Variants in ABLIM1 observed in about 807,000 individuals in gnomAD.
ABLIM1 encodes actin binding LIM protein 1.
A neutral mutation model predicts 107.0 loss-of-function variants in ABLIM1; 40 were observed. The observed-to-expected ratio is 0.37, with a 90% CI of 0.29 to 0.49. The LOEUF (loss-of-function observed/expected upper bound fraction) is 0.49. Ranked by LOEUF, ABLIM1 falls within the 20% of genes least tolerant of loss-of-function variation. The pLI is 0.97. For synonymous variants in ABLIM1, 357 were observed against 357.3 expected, an observed-to-expected ratio of 1.00 and a Z score of 0.01; for missense variants, 857 against 1,008.5, an observed-to-expected ratio of 0.85 and a Z score of 2.04.
At chr10:114,448,370 G>A (rs897593696) in intron 14 of ABLIM1, among the ~76,000 whole-genome samples, 7 of 152,150 alleles carry the variant, frequency 4.6e-5, no homozygotes, top group Non-Finnish European at 8.8e-5. Context: ...CAACTGCTCA[G>A]TAGTCACATG....
intron 1 of ABLIM1, among the ~76,000 whole-genome samples, chr10:114,748,130 A>G (rs572163174): frequency 4.6e-5 from 7 of 152,288 alleles, no homozygotes; most frequent in African/African-American, 1.4e-4. Context: ...ATCACAAACC[A>G]TAAGAACCCC....
chr10:114,520,084 C>A (rs549142409), intron 6 of ABLIM1, among the ~76,000 whole-genome samples: 1 of 152,366 alleles, frequency 6.6e-6, no homozygotes, highest in Admixed American at 6.5e-5. Flanking sequence ...TGCCTGAAGA[C>A]TCCCACTGCA....
chr10:114,716,326 T>C (rs1182635849), intron 1 of ABLIM1, among the ~76,000 whole-genome samples: 1 of 152,120 alleles, frequency 6.6e-6, no homozygotes, highest in Admixed American at 6.6e-5. Flanking sequence ...GCCACTCTTC[T>C]GCTATATTAG....
chr10:114,773,256 A>G, the ABLIM1 span, among the ~76,000 whole-genome samples: 1 of 152,202 alleles, frequency 6.6e-6, no homozygotes, highest in Non-Finnish European at 1.5e-5. Context: ...ATCTAGACCT[A>G]GACACACTGA....
intron 6 of ABLIM1, among the ~76,000 whole-genome samples, chr10:114,521,165 T>C (rs2063674550): frequency 6.6e-6 from 1 of 152,198 alleles, no homozygotes; most frequent in African/African-American, 2.4e-5. Context: ...CAAAAGCCTG[T>C]GATGAACCTG....
At chr10:114,632,274 C>T (rs2078239330) in intron 1 of ABLIM1, 1 of 985,324 alleles carries the variant, frequency 1.0e-6, no homozygotes, top group South Asian at 4.7e-5. Flanking sequence ...TTGTATTCCT[C>T]GCACCGAGGA....
At chr10:114,678,102 A>G (rs1370592691) in intron 1 of ABLIM1, among the ~76,000 whole-genome samples, 1 of 152,174 alleles carries the variant, frequency 6.6e-6, no homozygotes, top group Non-Finnish European at 1.5e-5. Flanking sequence ...TTAAAGTGGC[A>G]TAAAATCAAA....
intron 6 of ABLIM1, among the ~76,000 whole-genome samples, chr10:114,518,977 C>T (rs1001908218): frequency 2.6e-5 from 4 of 152,062 alleles, no homozygotes; most frequent in African/African-American, 7.2e-5. Context: ...TGTTTAAAAA[C>T]AAAGTGAAAT....
At chr10:114,576,574 C>G (rs541494017) in intron 2 of ABLIM1, among the ~76,000 whole-genome samples, 1 of 152,102 alleles carries the variant, frequency 6.6e-6, no homozygotes, top group Non-Finnish European at 1.5e-5. Flanking sequence ...AGGACCTGCT[C>G]GAATGCTCCC....
chr10:114,635,176 A>G (rs1391670337), intron 1 of ABLIM1, among the ~76,000 whole-genome samples: 3 of 152,214 alleles, frequency 2.0e-5, no homozygotes, highest in Admixed American at 6.5e-5. Context: ...CTGCCCCATC[A>G]GACTGACCCA....
intron 1 of ABLIM1, among the ~76,000 whole-genome samples, chr10:114,753,551 T>C (rs2082564899): frequency 6.6e-6 from 1 of 152,202 alleles, no homozygotes; most frequent in South Asian, 2.1e-4. Flanking sequence ...TACATACTAA[T>C]ACAGAAAGAT....
intron 1 of ABLIM1, among the ~76,000 whole-genome samples, chr10:114,697,732 A>G (rs2081226104): frequency 6.6e-6 from 1 of 152,208 alleles, no homozygotes. Flanking sequence ...CTAATTTTCA[A>G]TTTTAGTAAT....
intron 6 of ABLIM1, among the ~76,000 whole-genome samples, chr10:114,536,943 C>T (rs1280036904): frequency 1.3e-5 from 2 of 152,188 alleles, no homozygotes; most frequent in Admixed American, 6.5e-5. Context: ...CACAGAAACA[C>T]AGCAGACTCT....
rs997689935 is a variant in ABLIM1 at position 114,539,872 on chromosome 10, G to T, written c.894+5133C>A. On this transcript the variant is annotated intron_variant, in intron 6 of 22. Coordinates refer to ENST00000533213, the MANE Select transcript of ABLIM1 (RefSeq NM_002313.7). Reference sequence around the variant, plus strand: ...CATTAGGCTGTTAGGCAGAAAGAAGGTGGGGGCAGGGGAAGGGGGAGGAGG... The same window carrying T: ...CATTAGGCTGTTAGGCAGAAAGAAGTTGGGGGCAGGGGAAGGGGGAGGAGG... 5.9e-5 allele frequency among the ~76,000 whole-genome samples: 9 copies of T among 152,144 alleles called. 1 individual carries two copies. The highest frequency in any genetic ancestry group is 1.9e-4 in the African/African-American group (8 of 41,508).
At chr10:114,740,751 A>G (rs1316281640) in intron 1 of ABLIM1, among the ~76,000 whole-genome samples, 2 of 152,104 alleles carry the variant, frequency 1.3e-5, no homozygotes, top group African/African-American at 4.8e-5. Flanking sequence ...CTTTAGAAAT[A>G]ATAAAAAGTT....
the ABLIM1 span, among the ~76,000 whole-genome samples, chr10:114,777,097 CAT>C: frequency 3.3e-5 from 5 of 152,136 alleles, no homozygotes; most frequent in East Asian, 1.9e-4. Context: ...CTATGCCCCA[CAT>C]GTCTCTTTTG....
intron 2 of ABLIM1, among the ~76,000 whole-genome samples, chr10:114,592,036 G>C (rs2074937825): frequency 6.6e-6 from 1 of 152,084 alleles, no homozygotes; most frequent in Admixed American, 6.6e-5. Flanking sequence ...TATAAGTTTG[G>C]CTTTTTTCCT....
chr10:114,657,957 C>G lies in ABLIM1; in HGVS notation c.244G>C (p.Val82Leu), dbSNP rs774343189. 3.1e-6 allele frequency: 5 copies of G among 1,607,000 alleles called. No homozygotes were observed. The highest frequency in any genetic ancestry group is 4.3e-6 in the Non-Finnish European group (5 of 1,174,852). Residue 82 changes from valine to leucine, a missense_variant and splice_region_variant, in exon 1 of 23, where the codon GTG becomes CTG. Transcript: ENST00000533213. ...GTCCAGAGAGGGTTATTTTACTTACCAAAAGGATCAACGCTGTTACATACA... is the reference window on the plus strand; with the variant it reads ...GTCCAGAGAGGGTTATTTTACTTACGAAAAGGATCAACGCTGTTACATACA... ...GRVCNSVDPF[V>L]AHPQDPHHPS...
chr10:114,441,171 T>G, intron 18 of ABLIM1, 94 bp from the exon 19 acceptor site: 1 of 1,314,602 alleles, frequency 7.6e-7, no homozygotes. Flanking sequence ...ATCCTAGGAA[T>G]TCTTCCCAAG....
Sources: allele counts gnomAD v4.1 joint callset (sites outside exome capture counted in the v4.1 genomes callset), GRCh38; gene constraint gnomAD v4.1.1; transcripts MANE v1.5; gene names NCBI Gene and HGNC (gene_info 2026-07-23, HGNC 2026-07-21).